FAM110B: variants seen among roughly 807,000 people sequenced by gnomAD.
FAM110B encodes protein FAM110B.
Under a neutral mutation model 20.4 loss-of-function variants are expected in FAM110B, and 6 were observed. The ratio of observed to expected loss-of-function variants is 0.29; its 90% CI spans 0.16 to 0.58. The LOEUF (loss-of-function observed/expected upper bound fraction) is 0.58, where lower values mean the gene tolerates loss of function less well. FAM110B is among the 20% of genes least tolerant of loss of function. FAM110B has a pLI of 0.90. For synonymous variants in FAM110B, 226 were observed against 214.1 expected (o/e 1.06, Z -0.49); for missense variants, 434 against 498.2 (o/e 0.87, Z 1.23).
intron 3 of FAM110B, among the ~76,000 whole-genome samples, chr8:58,129,070 C>T (rs1807584358): frequency 6.6e-6 from 1 of 152,218 alleles, no homozygotes; most frequent in Admixed American, 6.5e-5. Flanking sequence ...GTTTAAAAGA[C>T]TCCGTCTATC....
chr8:58,024,172 C>CTTTTTTTTTTTT (rs10651271), intron 1 of FAM110B, among the ~76,000 whole-genome samples: 2 of 129,530 alleles, frequency 1.5e-5, no homozygotes, highest in African/African-American at 5.7e-5. Flanking sequence ...TTTCACTGTG[C>CTTTTTTTTTTTT]TTTTTTTTTT....
At chr8:58,003,617 G>A (rs1804344318) in intron 1 of FAM110B, among the ~76,000 whole-genome samples, 1 of 152,218 alleles carries the variant, frequency 6.6e-6, no homozygotes, top group Admixed American at 6.5e-5. Context: ...CAACATTTAT[G>A]TCTTTGTACA....
intron 1 of FAM110B, among the ~76,000 whole-genome samples, chr8:58,008,889 A>G (rs2150564905): frequency 6.6e-6 from 1 of 152,250 alleles, no homozygotes; most frequent in East Asian, 1.9e-4. Context: ...GACATCCCTC[A>G]TCCTAGTTTT....
intron 2 of FAM110B, among the ~76,000 whole-genome samples, chr8:58,065,760 C>T (rs1478334669): frequency 6.6e-6 from 1 of 151,994 alleles, no homozygotes. Flanking sequence ...GGACCATTTC[C>T]GTATCTGTAA....
chr8:58,020,795 C>T (rs1804735692), intron 1 of FAM110B, among the ~76,000 whole-genome samples: 1 of 152,128 alleles, frequency 6.6e-6, no homozygotes, highest in Non-Finnish European at 1.5e-5. Context: ...TGCATTTGTT[C>T]TTCTAGCATC....
At chr8:58,085,209 C>T (rs1042689946) in intron 3 of FAM110B, among the ~76,000 whole-genome samples, 2 of 152,218 alleles carry the variant, frequency 1.3e-5, no homozygotes, top group Non-Finnish European at 2.9e-5. Flanking sequence ...ACTGAAGAGT[C>T]TTGTAAAGCT....
intron 2 of FAM110B, among the ~76,000 whole-genome samples, chr8:58,045,771 G>A (rs1805308507): frequency 6.6e-6 from 1 of 152,152 alleles, no homozygotes; most frequent in Non-Finnish European, 1.5e-5. Flanking sequence ...AATACCAGAA[G>A]GTGGACATTC....
chr8:58,047,892 A>AT (rs1343362997), intron 2 of FAM110B, among the ~76,000 whole-genome samples: 2 of 151,930 alleles, frequency 1.3e-5, no homozygotes, highest in Non-Finnish European at 2.9e-5. Context: ...TGAAAAAAAA[A>AT]TTTTTTTTAA....
chr8:58,076,283 G>C (rs1806034423), intron 3 of FAM110B, among the ~76,000 whole-genome samples: 1 of 152,172 alleles, frequency 6.6e-6, no homozygotes, highest in South Asian at 2.1e-4. Context: ...CTGTGCTCGG[G>C]GAATGAGATG....
At chr8:58,082,078 G>C (rs984080203) in intron 3 of FAM110B, among the ~76,000 whole-genome samples, 1 of 152,138 alleles carries the variant, frequency 6.6e-6, no homozygotes, top group Non-Finnish European at 1.5e-5. Flanking sequence ...AGGGAGCTGC[G>C]AGCACATGGG....
intron 2 of FAM110B, among the ~76,000 whole-genome samples, chr8:58,064,166 T>C (rs1805715210): frequency 6.6e-6 from 1 of 152,142 alleles, no homozygotes; most frequent in Non-Finnish European, 1.5e-5. Context: ...ACCCCCATGA[T>C]CAAATCACCT....
At chr8:58,096,393 G>T (rs1480781356) in intron 3 of FAM110B, among the ~76,000 whole-genome samples, 1 of 152,088 alleles carries the variant, frequency 6.6e-6, no homozygotes, top group Non-Finnish European at 1.5e-5. Flanking sequence ...GGCCAGGCTG[G>T]TCTTGAACTC....
chr8:58,011,131 G>A (rs933575564), intron 1 of FAM110B, among the ~76,000 whole-genome samples: 2 of 152,174 alleles, frequency 1.3e-5, no homozygotes, highest in African/African-American at 4.8e-5. Context: ...AATCGAGGAG[G>A]TTTGTTTTCT....
chr8:58,124,975 T>G (rs1476811622), intron 3 of FAM110B, among the ~76,000 whole-genome samples: 1 of 152,230 alleles, frequency 6.6e-6, no homozygotes, highest in Non-Finnish European at 1.5e-5. Context: ...AAAATATAAC[T>G]TTAAAGCACT....
chr8:58,052,463 A>G (rs112665788), intron 2 of FAM110B, among the ~76,000 whole-genome samples: 5 of 152,334 alleles, frequency 3.3e-5, no homozygotes, highest in Non-Finnish European at 7.3e-5. Context: ...ATAAATATTC[A>G]ATAAATATTT....
At chr8:58,035,075 A>C (rs548489505) in intron 2 of FAM110B, among the ~76,000 whole-genome samples, 2 of 152,244 alleles carry the variant, frequency 1.3e-5, no homozygotes, top group Non-Finnish European at 2.9e-5. Context: ...TGTGTCCAAA[A>C]ATCCTTTTAT....
chr8:58,077,218 G>A (rs1020693006), intron 3 of FAM110B: 2 of 152,242 alleles, frequency 1.3e-5, no homozygotes, highest in African/African-American at 4.8e-5. Flanking sequence ...AGCTGAGGTT[G>A]TAGAACTGTA....
intron 3 of FAM110B, among the ~76,000 whole-genome samples, chr8:58,122,824 T>G (rs746915722): frequency 6.6e-6 from 1 of 150,930 alleles, no homozygotes; most frequent in African/African-American, 2.4e-5. Context: ...CCCATTACCA[T>G]TTAAAAGGGA....
intron 3 of FAM110B, among the ~76,000 whole-genome samples, chr8:58,116,939 A>G (rs532909713): frequency 1.2e-3 from 177 of 152,322 alleles, no homozygotes; most frequent in African/African-American, 4.2e-3. Context: ...CGCGATGCAC[A>G]CAGCATTTGG....
Sources: gnomAD v4.1 joint callset for allele counts (sites outside exome capture counted in the v4.1 genomes callset) on GRCh38, gnomAD v4.1.1 for gene constraint, MANE v1.5 for transcripts, NCBI Gene and HGNC (gene_info 2026-07-23, HGNC 2026-07-21) for gene names.